Variants in SYNJ2 observed in about 807,000 individuals in gnomAD.
The protein encoded by SYNJ2 is synaptojanin 2.
SYNJ2 carries 116 observed loss-of-function variants against 141.3 expected under a neutral mutation model. The ratio of observed to expected loss-of-function variants is 0.82; its 90% CI spans 0.71 to 0.96. The LOEUF is 0.96. SYNJ2 is among the 40% of genes least tolerant of loss of function. The pLI is 0.00. For missense variants in SYNJ2, 1,873 were observed against 1,934.8 expected (o/e 0.97, Z 0.60); for synonymous variants, 745 against 777.7 (o/e 0.96, Z 0.70).
Position 158,089,903 on chromosome 6 carries a change from A to G in SYNJ2, c.3521A>G (p.Gln1174Arg). Reference sequence around the variant, plus strand: ...AAGCAGATCAAAACCACCAATGCCCAGGAGGCAGAAGCAGCAATCCGGTGT... The same window carrying G: ...AAGCAGATCAAAACCACCAATGCCCGGGAGGCAGAAGCAGCAATCCGGTGT... ...NVKQIKTTNA[Q>R]EAEAAIRCLL... Residue 1174 changes from glutamine to arginine, a missense_variant, in exon 25 of 27, where the codon CAG becomes CGG. Gln to Arg is a conservative substitution (Grantham distance 43, BLOSUM62 1). Coordinates refer to ENST00000355585, the MANE Select transcript of SYNJ2 (RefSeq NM_003898.4). 2 of 1,614,198 alleles carry G rather than the reference A, an allele frequency of 1.2e-6. No homozygotes were observed. Among genetic ancestry groups the G allele is most frequent in the Non-Finnish European group, 1.7e-6 (2 of 1,180,026 alleles).
intron 1 of SYNJ2, among the ~76,000 whole-genome samples, chr6:157,996,552 A>G (rs1777639744): frequency 6.6e-6 from 1 of 151,980 alleles, no homozygotes; most frequent in African/African-American, 2.4e-5. Flanking sequence ...ACCCACCTGC[A>G]TGCACTCCCT....
chr6:158,083,872 G>T, intron 21 of SYNJ2, 129 bp from the exon 22 acceptor site: 2 of 1,133,498 alleles, frequency 1.8e-6, no homozygotes, highest in Non-Finnish European at 2.6e-6. Context: ...CCCTGCTGGC[G>T]CCTGGGCCCT....
At chr6:158,057,593 C>T (rs1182174396) in intron 6 of SYNJ2, among the ~76,000 whole-genome samples, 1 of 152,150 alleles carries the variant, frequency 6.6e-6, no homozygotes, top group East Asian at 1.9e-4. Flanking sequence ...GTTGGGACAG[C>T]ATAGAGTAAT....
chr6:158,076,521 G>T (rs1002417587), intron 16 of SYNJ2, 105 bp from the exon 17 acceptor site: 16 of 1,288,112 alleles, frequency 1.2e-5, no homozygotes, highest in Non-Finnish European at 1.7e-5. Flanking sequence ...TGGAGCTTCT[G>T]TTACTTTTTA....
intron 2 of SYNJ2, among the ~76,000 whole-genome samples, chr6:158,019,500 C>T (rs1275799677): frequency 6.6e-6 from 1 of 152,148 alleles, no homozygotes; most frequent in Non-Finnish European, 1.5e-5. Flanking sequence ...CTTATTAGAG[C>T]GAGCCAGGGT....
In SYNJ2 at chr6:158,047,276, A is replaced by G. The variant is rs114992456; in HGVS notation, c.795+3877A>G. ...CCCCGCAGCCACCACAGAAAGAACC[A>G]CAGTCACAGCCAGTTTATGACAGTG... On this transcript the variant is annotated intron_variant, in intron 5 of 26. Coordinates refer to ENST00000355585, the MANE Select transcript of SYNJ2 (RefSeq NM_003898.4). Among the ~76,000 whole-genome samples the G allele has an allele frequency of 4.5e-3, 692 of 152,286 alleles. 3 individuals are homozygous for G. The highest frequency in any genetic ancestry group is 0.012 in the African/African-American group (509 of 41,572).
In SYNJ2 at chr6:158,048,886, C is replaced by T. The variant is rs1468995568; in HGVS notation, c.795+5487C>T. 2.0e-5 allele frequency among the ~76,000 whole-genome samples: 3 copies of T among 152,316 alleles called. No homozygotes were observed. The East Asian group carries it at 5.8e-4, about 29-fold the overall frequency. On this transcript the variant is annotated intron_variant, in intron 5 of 26. Coordinates refer to ENST00000355585, the MANE Select transcript of SYNJ2 (RefSeq NM_003898.4). ...GCCTGCAGGAGCTGGCTCCAGCACA[C>T]ACTGGACACTGCTAAAGGGCTGCAA...
At chr6:158,068,778 C>T (rs761891356) in intron 13 of SYNJ2, 50 bp downstream of exon 13, 6 of 1,601,608 alleles carry the variant, frequency 3.7e-6, no homozygotes, top group African/African-American at 2.7e-5. Context: ...GAGTCAGGTG[C>T]CTGGCTGGGA....
At chr6:157,985,165 T>A (rs1777155408) in intron 1 of SYNJ2, among the ~76,000 whole-genome samples, 1 of 152,220 alleles carries the variant, frequency 6.6e-6, no homozygotes, top group Non-Finnish European at 1.5e-5. Context: ...AGACAGGGGC[T>A]TGAACTGGGC....
At chr6:158,007,467 A>G (rs1028691244) in intron 1 of SYNJ2, among the ~76,000 whole-genome samples, 1 of 152,126 alleles carries the variant, frequency 6.6e-6, no homozygotes, top group Non-Finnish European at 1.5e-5. Context: ...GGGCCACTCC[A>G]TCCCTTCCAT....
In SYNJ2 at chr6:158,027,754, G is replaced by GTACGAGGGGTGCC. The variant is rs1779129121; in HGVS notation, c.215-1000_215-988dup. The GTACGAGGGGTGCC allele has an allele frequency of 6.6e-6, 1 of 152,232 alleles. No individual in the cohort carries two copies. The highest frequency in any genetic ancestry group is 1.5e-5 in the Non-Finnish European group (1 of 68,094). The allele number at this position is 152,232 out of a possible 1,614,324, so 9.4% of individuals were successfully genotyped here. A position where few individuals can be genotyped will look rare whatever the true frequency, so the allele number is the denominator to read the frequency against. On this transcript the variant is annotated intron_variant, in intron 2 of 26. Coordinates refer to ENST00000355585, the MANE Select transcript of SYNJ2 (RefSeq NM_003898.4). The surrounding 1 kb of genome is among the most constrained non-coding windows in gnomAD (Gnocchi z 4.6). ...CTGCTGATGGGAATGCTATTGGCAC[G>GTACGAGGGGTGCC]TACGAGGGGTGCCTGTCCGTGTCTT...
chr6:158,023,286 C>G (rs1312125705), intron 2 of SYNJ2, among the ~76,000 whole-genome samples: 1 of 139,372 alleles, frequency 7.2e-6, no homozygotes, highest in Non-Finnish European at 1.6e-5. Context: ...AAAAAGCAAA[C>G]AAACAAAAAA....
At chr6:157,991,362 T>C (rs1777417871) in intron 1 of SYNJ2, among the ~76,000 whole-genome samples, 1 of 152,202 alleles carries the variant, frequency 6.6e-6, no homozygotes, top group African/African-American at 2.4e-5. Context: ...TTCTGCCTCG[T>C]TGGCTCTGGG....
At chr6:158,030,206 G>C (rs1168680649) in intron 3 of SYNJ2, among the ~76,000 whole-genome samples, 1 of 152,226 alleles carries the variant, frequency 6.6e-6, no homozygotes, top group Non-Finnish European at 1.5e-5. Context: ...GTTTCTGTCA[G>C]ATTCGCACTG....
intron 2 of SYNJ2, among the ~76,000 whole-genome samples, chr6:158,020,737 C>T (rs1778724770): frequency 1.3e-5 from 2 of 152,264 alleles, no homozygotes; most frequent in African/African-American, 4.8e-5. Context: ...GCCACGAAGA[C>T]AACCAGCTGA....
rs113495071 is a variant in SYNJ2, at chr6:158,093,217, C to T, written c.3744+113C>T. 2.7e-3 allele frequency: 3,249 copies of T among 1,214,942 alleles called. 10 individuals carry two copies. Among genetic ancestry groups the T allele is most frequent in the Non-Finnish European group, 2.9e-3 (2,585 of 877,214 alleles). 75.3% of individuals were successfully genotyped at this position (1,214,942 alleles called of 1,614,324 possible). ...TTGGGAAGCCGAGGCAAGCGGATTA[C>T]GAGGTCAGGAGTTCAAGACCAGCCT... On this transcript the variant is annotated intron_variant, in intron 26 of 26. Transcript: ENST00000355585.
At position 158,043,303 on chromosome 6, in the gene SYNJ2, C is replaced by T. The variant is rs1459807911; in HGVS notation, c.712-13C>T. 6.2e-7 allele frequency: 1 copy of T among 1,612,856 alleles called. No individual in the cohort carries two copies. The highest frequency in any genetic ancestry group is 8.5e-7 in the Non-Finnish European group (1 of 1,178,894). Reference sequence around the variant, plus strand: ...GAAGAATACCTTTCCCTTTCTGTTTCCTTGTGCCGCAGATGATTTACATGG... The same window carrying T: ...GAAGAATACCTTTCCCTTTCTGTTTTCTTGTGCCGCAGATGATTTACATGG... On this transcript the variant is annotated splice_polypyrimidine_tract_variant and intron_variant, in intron 4 of 26. Transcript: ENST00000355585. The surrounding 1 kb of genome is among the most constrained non-coding windows in gnomAD (Gnocchi z 4.0).
At chr6:157,990,170 G>C (rs1777367256) in intron 1 of SYNJ2, among the ~76,000 whole-genome samples, 1 of 152,218 alleles carries the variant, frequency 6.6e-6, no homozygotes, top group African/African-American at 2.4e-5. Flanking sequence ...GAGGCAGCTT[G>C]TGCTTGTGCC....
chr6:158,018,063 G>A lies in SYNJ2; in HGVS notation c.214+773G>A, dbSNP rs531715942. ...TTGTCAGCAGGAGAAAAAAGCCACCGATGTGTGACTGTCAGTCAGTGTGGG... is the reference window on the plus strand; with the variant it reads ...TTGTCAGCAGGAGAAAAAAGCCACCAATGTGTGACTGTCAGTCAGTGTGGG... On this transcript the variant is annotated intron_variant, in intron 2 of 26. Coordinates refer to ENST00000355585, the MANE Select transcript of SYNJ2 (RefSeq NM_003898.4). 9.2e-5 allele frequency among the ~76,000 whole-genome samples: 14 copies of A among 152,312 alleles called. No individual in the cohort carries two copies. In the East Asian group the frequency reaches 1.2e-3, roughly 13 times the overall value.
Sources: gnomAD v4.1 joint callset for allele counts (sites outside exome capture counted in the v4.1 genomes callset) on GRCh38, gnomAD v4.1.1 for gene constraint, Gnocchi (gnomAD v3.1) non-coding constraint, MANE v1.5 for transcripts, NCBI Gene and HGNC (gene_info 2026-07-23, HGNC 2026-07-21) for gene names.